PLCB1: variants seen among roughly 807,000 people sequenced by gnomAD.
The protein encoded by PLCB1 is phospholipase C beta 1.
In PLCB1, 46 loss-of-function variants were observed where a neutral mutation model predicts 161.8. That is an observed-to-expected ratio of 0.28 (90% CI 0.22 to 0.36). The LOEUF (loss-of-function observed/expected upper bound fraction) is 0.36, where lower values mean the gene tolerates loss of function less well. PLCB1 is among the 10% of genes least tolerant of loss of function. The pLI is 1.00. For missense variants in PLCB1, 1,016 were observed against 1,472.5 expected, an observed-to-expected ratio of 0.69 and a Z score of 5.07; for synonymous variants, 517 against 503.7, an observed-to-expected ratio of 1.03 and a Z score of -0.35.
chr20:8,852,933 T>A (rs1389514359), intron 31 of PLCB1, among the ~76,000 whole-genome samples: 4 of 152,186 alleles, frequency 2.6e-5, no homozygotes, highest in Non-Finnish European at 5.9e-5. Context: ...AGAAGTTACA[T>A]TATGTCAGTT....
chr20:8,536,028 G>T (rs917906189), intron 3 of PLCB1, among the ~76,000 whole-genome samples: 21 of 151,642 alleles, frequency 1.4e-4, no homozygotes, highest in Admixed American at 3.9e-4. Context: ...ACAAGTTTCA[G>T]GCACCACTAA....
intron 3 of PLCB1, among the ~76,000 whole-genome samples, chr20:8,612,207 AGTTTGTT>A (rs1460287061): frequency 6.6e-6 from 1 of 152,166 alleles, no homozygotes; most frequent in African/African-American, 2.4e-5. Context: ...AAAGGCATAA[AGTTTGTT>A]GAATGAATAA....
Position 8,176,491 on chromosome 20 carries a change from A to G in PLCB1, c.177+26120A>G, listed in dbSNP as rs555152205. 2.0e-5 allele frequency among the ~76,000 whole-genome samples: 3 copies of G among 152,316 alleles called. No individual in the cohort carries two copies. In the East Asian group the frequency reaches 5.8e-4, roughly 29 times the overall value. ...TAAAGTGTTAGGCACAGGCGTAGGCAGGGAGGGAGGCTGCTGTAGTTATAA... is the reference window on the plus strand; with the variant it reads ...TAAAGTGTTAGGCACAGGCGTAGGCGGGGAGGGAGGCTGCTGTAGTTATAA... On this transcript the variant is annotated intron_variant, in intron 2 of 31. Coordinates refer to ENST00000338037, the MANE Select transcript of PLCB1 (RefSeq NM_015192.4).
chr20:8,754,393 CA>C (rs5840280), intron 23 of PLCB1, among the ~76,000 whole-genome samples: 78,768 of 129,820 alleles, frequency 0.61, 21,896 homozygotes, highest in South Asian at 0.71. Flanking sequence ...TTTTAGTTGC[CA>C]AAAAAAAAAA....
intron 2 of PLCB1, among the ~76,000 whole-genome samples, chr20:8,267,959 TTTA>T (rs149671843): frequency 2.1e-4 from 31 of 148,654 alleles, no homozygotes; most frequent in East Asian, 1.2e-3. Context: ...TCCATCTGTC[TTTA>T]TTATTATTAT....
At chr20:8,854,613 A>G (rs1987005327) in intron 31 of PLCB1, among the ~76,000 whole-genome samples, 1 of 152,236 alleles carries the variant, frequency 6.6e-6, no homozygotes, top group Non-Finnish European at 1.5e-5. Context: ...ACTATTTATA[A>G]TAAATTTCTA....
intron 3 of PLCB1, among the ~76,000 whole-genome samples, chr20:8,394,058 A>G (rs1165241653): frequency 6.6e-6 from 1 of 152,088 alleles, no homozygotes; most frequent in Non-Finnish European, 1.5e-5. Context: ...TTAATTTGAG[A>G]CCTTATGACA....
intron 9 of PLCB1, among the ~76,000 whole-genome samples, chr20:8,675,939 T>C (rs1408752035): frequency 6.6e-6 from 1 of 152,196 alleles, no homozygotes; most frequent in Admixed American, 6.5e-5. Flanking sequence ...GGATTCAAGA[T>C]AAGGCATAAA....
chr20:8,227,939 G>A (rs1305894734), intron 2 of PLCB1, among the ~76,000 whole-genome samples: 1 of 152,110 alleles, frequency 6.6e-6, no homozygotes, highest in African/African-American at 2.4e-5. Context: ...GATCATTCTA[G>A]TTAAATATAT....
At chr20:8,831,963 T>TG (rs1986028720) in intron 31 of PLCB1, among the ~76,000 whole-genome samples, 1 of 99,020 alleles carries the variant, frequency 1.0e-5, no homozygotes, top group South Asian at 3.7e-4. Context: ...TCTTTCTTTC[T>TG]TTCTTTCTTT....
intron 3 of PLCB1, among the ~76,000 whole-genome samples, chr20:8,391,824 T>C (rs62195955): frequency 0.46 from 52,851 of 114,896 alleles, 11,137 homozygotes; most frequent in South Asian, 0.56. Context: ...TATATATATA[T>C]ACACACACAT....
chr20:8,649,487 C>T (rs754482778), intron 7 of PLCB1, 38 bp downstream of exon 7: 1 of 1,437,182 alleles, frequency 7.0e-7, no homozygotes, highest in Non-Finnish European at 9.8e-7. Context: ...GAATGTTCAG[C>T]CCCTCCAAAA....
At chr20:8,436,453 A>G (rs1275177348) in intron 3 of PLCB1, among the ~76,000 whole-genome samples, 2 of 151,328 alleles carry the variant, frequency 1.3e-5, no homozygotes, top group African/African-American at 4.8e-5. Flanking sequence ...AAACAAGACA[A>G]CAAACACTTC....
intron 31 of PLCB1, among the ~76,000 whole-genome samples, chr20:8,802,727 T>C (rs989582167): frequency 6.6e-6 from 1 of 152,206 alleles, no homozygotes; most frequent in Non-Finnish European, 1.5e-5. Context: ...TGTGATTTCC[T>C]GATTCTCTAG....
At chr20:8,346,876 T>C (rs1340259212) in intron 2 of PLCB1, among the ~76,000 whole-genome samples, 1 of 152,032 alleles carries the variant, frequency 6.6e-6, no homozygotes, top group African/African-American at 2.4e-5. Context: ...AAAGAGGAAA[T>C]AAACAGGAAT....
intron 31 of PLCB1, among the ~76,000 whole-genome samples, chr20:8,819,389 T>C (rs1985228939): frequency 6.6e-6 from 1 of 152,156 alleles, no homozygotes; most frequent in African/African-American, 2.4e-5. Flanking sequence ...GAATTAAATA[T>C]GAAATATAAA....
At chr20:8,317,632 C>T (rs1418808036) in intron 2 of PLCB1, among the ~76,000 whole-genome samples, 2 of 152,100 alleles carry the variant, frequency 1.3e-5, no homozygotes, top group East Asian at 1.9e-4. Context: ...TCTTATGCCC[C>T]AGTTTTGACC....
At chr20:8,728,467 A>G (rs555070442) in intron 17 of PLCB1, among the ~76,000 whole-genome samples, 5 of 152,206 alleles carry the variant, frequency 3.3e-5, no homozygotes, top group Admixed American at 3.3e-4. Flanking sequence ...TCCATGGTAC[A>G]TTGACCTTGC....
At chr20:8,486,979 T>C (rs1982757922) in intron 3 of PLCB1, among the ~76,000 whole-genome samples, 1 of 152,220 alleles carries the variant, frequency 6.6e-6, no homozygotes. Flanking sequence ...GCTTCAGAAC[T>C]CCACCATAGA....
Sources: gnomAD v4.1 joint callset for allele counts (sites outside exome capture counted in the v4.1 genomes callset) on GRCh38, gnomAD v4.1.1 for gene constraint, MANE v1.5 for transcripts, NCBI Gene and HGNC (gene_info 2026-07-23, HGNC 2026-07-21) for gene names.